NCK2: variants seen among roughly 807,000 people sequenced by gnomAD.
The protein encoded by NCK2 is NCK adaptor protein 2, also known as cytoplasmic protein NCK2.
NCK2 carries 16 observed loss-of-function variants against 33.9 expected under a neutral mutation model. The observed-to-expected ratio is 0.47, with a 90% CI of 0.32 to 0.72. The LOEUF (loss-of-function observed/expected upper bound fraction) is 0.72. Among genes scored for constraint, NCK2 ranks in the 30% least tolerant of loss-of-function variants. The probability of loss-of-function intolerance (pLI) is 0.03; values close to 1 mark genes in which losing one functional copy is unlikely to be tolerated. For missense variants in NCK2, 418 were observed against 537.3 expected (o/e 0.78, Z 2.19); for synonymous variants, 273 against 239.9 (o/e 1.14, Z -1.27).
At chr2:105,762,294 CA>C (rs1305752815) in intron 1 of NCK2, among the ~76,000 whole-genome samples, 7 of 151,958 alleles carry the variant, frequency 4.6e-5, no homozygotes, top group African/African-American at 1.2e-4. Context: ...AGCATCAAAC[CA>C]GGGGGGGTCT....
intron 3 of NCK2, among the ~76,000 whole-genome samples, chr2:105,859,886 C>T (rs1220873104): frequency 2.0e-5 from 3 of 152,178 alleles, no homozygotes; most frequent in African/African-American, 7.2e-5. Context: ...GGGGCAGGCT[C>T]ACGGGCACAC....
intron 2 of NCK2, among the ~76,000 whole-genome samples, chr2:105,840,100 G>C (rs998610945): frequency 1.3e-5 from 2 of 152,200 alleles, no homozygotes; most frequent in Admixed American, 6.5e-5. Context: ...GCTTCTGGTA[G>C]AGTATCCCCT....
intron 1 of NCK2, among the ~76,000 whole-genome samples, chr2:105,748,135 T>G (rs1689347962): frequency 6.6e-6 from 1 of 152,192 alleles, no homozygotes; most frequent in South Asian, 2.1e-4. Flanking sequence ...GTTATTTTGA[T>G]TGAGGTAGCA....
intron 4 of NCK2, among the ~76,000 whole-genome samples, chr2:105,887,949 T>G (rs958990033): frequency 6.6e-6 from 1 of 152,184 alleles, no homozygotes; most frequent in Non-Finnish European, 1.5e-5. Flanking sequence ...AAGAATTACC[T>G]AAAGGAATGA....
intron 1 of NCK2, among the ~76,000 whole-genome samples, chr2:105,810,321 TGA>T (rs994787495): frequency 1.3e-5 from 2 of 151,742 alleles, no homozygotes; most frequent in African/African-American, 2.4e-5. Context: ...TGTGTGTGTG[TGA>T]GAGAGAGAGC....
chr2:105,860,170 C>CA (rs1161737236), intron 3 of NCK2, among the ~76,000 whole-genome samples: 1 of 151,992 alleles, frequency 6.6e-6, no homozygotes, highest in African/African-American at 2.4e-5. Flanking sequence ...CCTGTGGTCC[C>CA]AGCTACTCAA....
chr2:105,862,047 C>T (rs1037461034), intron 3 of NCK2, among the ~76,000 whole-genome samples: 4 of 152,038 alleles, frequency 2.6e-5, no homozygotes, highest in Admixed American at 6.5e-5. Flanking sequence ...AGCCCTGCCC[C>T]GGGTAACTAA....
intron 1 of NCK2, among the ~76,000 whole-genome samples, 194 bp from the exon 2 acceptor site, chr2:105,816,236 G>A (rs1675481944): frequency 6.6e-6 from 1 of 152,168 alleles, no homozygotes; most frequent in Non-Finnish European, 1.5e-5. Flanking sequence ...AGCTCAGGAG[G>A]TGCAAGTTGC....
At chr2:105,787,334 G>A (rs1352548035) in intron 1 of NCK2, among the ~76,000 whole-genome samples, 1 of 152,178 alleles carries the variant, frequency 6.6e-6, no homozygotes, top group Non-Finnish European at 1.5e-5. Context: ...AAATTCAGGT[G>A]GTGAAGTTCT....
At chr2:105,748,691 T>G (rs549599812) in intron 1 of NCK2, among the ~76,000 whole-genome samples, 59 of 152,316 alleles carry the variant, frequency 3.9e-4, no homozygotes, top group Non-Finnish European at 4.7e-4. Flanking sequence ...GTACTGGGAT[T>G]ACAGGCCAGA....
chr2:105,865,223 A>C (rs992827861), intron 3 of NCK2, among the ~76,000 whole-genome samples: 2 of 152,328 alleles, frequency 1.3e-5, no homozygotes, highest in African/African-American at 4.8e-5. Context: ...TCGAGTGCCT[A>C]AAGTGTGCTA....
At chr2:105,853,523 C>T (rs1677143902) in intron 2 of NCK2, among the ~76,000 whole-genome samples, 1 of 152,204 alleles carries the variant, frequency 6.6e-6, no homozygotes, top group Non-Finnish European at 1.5e-5. Flanking sequence ...AAATCCTGTG[C>T]TTCACCCTTG....
intron 2 of NCK2, among the ~76,000 whole-genome samples, chr2:105,827,743 A>G (rs550190803): frequency 6.6e-6 from 1 of 152,338 alleles, no homozygotes; most frequent in Non-Finnish European, 1.5e-5. Context: ...TTTATATAAC[A>G]TTCTCAAAAT....
rs372300211 is a variant in NCK2 at position 105,835,159 on chromosome 2, A to G, written c.-17+18546A>G. Among the ~76,000 whole-genome samples the G allele has an allele frequency of 4.0e-4, 61 of 151,546 alleles. 1 individual carries two copies. In the South Asian group the frequency reaches 0.012, roughly 30 times the overall value. On this transcript the variant is annotated intron_variant, in intron 2 of 4. Coordinates refer to ENST00000233154, the MANE Select transcript of NCK2 (RefSeq NM_003581.5). ...ACTTCCTCATTTATGTTTTCGCACT[A>G]CCAGTGAGTTTTATACTTTTGTGTG...
At chr2:105,866,838 T>C (rs1410182465) in intron 3 of NCK2, among the ~76,000 whole-genome samples, 1 of 152,186 alleles carries the variant, frequency 6.6e-6, no homozygotes, top group African/African-American at 2.4e-5. Flanking sequence ...TACCCAGTAA[T>C]TTTTGGTATA....
chr2:105,844,579 A>AT, intron 2 of NCK2, among the ~76,000 whole-genome samples: 1 of 148,062 alleles, frequency 6.8e-6, no homozygotes, highest in African/African-American at 2.5e-5. Context: ...AAAAACAAAA[A>AT]AAAAAAAAAA....
At chr2:105,782,658 TGATAGAACC>T (rs1476887665) in intron 1 of NCK2, among the ~76,000 whole-genome samples, 15 of 148,262 alleles carry the variant, frequency 1.0e-4, no homozygotes, top group Non-Finnish European at 4.4e-5. Context: ...CAACGTCAAA[TGATAGAACC>T]TGATCGTTTC....
chr2:105,828,150 A>G (rs765851514), intron 2 of NCK2, among the ~76,000 whole-genome samples: 1 of 152,216 alleles, frequency 6.6e-6, no homozygotes, highest in Non-Finnish European at 1.5e-5. Context: ...TCCTCTTTTT[A>G]TAGTAGTTTG....
intron 3 of NCK2, among the ~76,000 whole-genome samples, chr2:105,875,348 C>A (rs553095826): frequency 5.2e-4 from 79 of 152,296 alleles, no homozygotes; most frequent in African/African-American, 1.8e-3. Flanking sequence ...GAGGTGCTGG[C>A]GGTACGGGGT....
Sources: gnomAD v4.1 joint callset for allele counts (sites outside exome capture counted in the v4.1 genomes callset) on GRCh38, gnomAD v4.1.1 for gene constraint, MANE v1.5 for transcripts, NCBI Gene and HGNC (gene_info 2026-07-23, HGNC 2026-07-21) for gene names.